ADAMTS6: variants seen among roughly 807,000 people sequenced by gnomAD.
ADAMTS6 encodes ADAM metallopeptidase with thrombospondin type 1 motif 6, also known as A disintegrin and metalloproteinase with thrombospondin motifs 6.
In ADAMTS6, 23 loss-of-function variants were observed where a neutral mutation model predicts 144.3. The ratio of observed to expected loss-of-function variants is 0.16; its 90% CI spans 0.11 to 0.23. The LOEUF (loss-of-function observed/expected upper bound fraction) is 0.23, where lower values mean the gene tolerates loss of function less well. Among genes scored for constraint, ADAMTS6 ranks in the 10% least tolerant of loss-of-function variants. ADAMTS6 has a pLI of 1.00. For synonymous variants in ADAMTS6, 444 were observed against 457.5 expected (o/e 0.97, Z 0.38); for missense variants, 999 against 1,379.6 (o/e 0.72, Z 4.37).
chr5:65,216,940 T>C (rs1756971348), intron 18 of ADAMTS6, among the ~76,000 whole-genome samples: 1 of 152,140 alleles, frequency 6.6e-6, no homozygotes, highest in Non-Finnish European at 1.5e-5. Context: ...TGCAAAAACT[T>C]TGATTCGTCA....
rs201004500 is a variant in ADAMTS6, at chr5:65,305,634, CAA to C, written c.1224-5505_1224-5504del. On this transcript the variant is annotated intron_variant, in intron 9 of 24. Transcript: ENST00000381055. ...ACCCCAATGGATGAACAGTGGGTAA[CAA>C]GAGAATATCTTCATTGCCAGTTTTA... Among the ~76,000 whole-genome samples, 1,492 of 152,220 alleles carry C rather than the reference CAA, an allele frequency of 9.8e-3. 29 individuals carry two copies. The highest frequency in any genetic ancestry group is 0.033 in the African/African-American group (1,386 of 41,528).
chr5:65,311,439 T>A (rs1744484096), intron 9 of ADAMTS6, among the ~76,000 whole-genome samples: 1 of 152,136 alleles, frequency 6.6e-6, no homozygotes, highest in African/African-American at 2.4e-5. Context: ...ATGCATGCTT[T>A]TCTGAAATAT....
intron 9 of ADAMTS6, among the ~76,000 whole-genome samples, chr5:65,301,836 C>A (rs1433986949): frequency 6.6e-6 from 1 of 151,916 alleles, no homozygotes; most frequent in African/African-American, 2.4e-5. Flanking sequence ...CACCTGTAAT[C>A]CCAGCGCTTT....
intron 3 of ADAMTS6, among the ~76,000 whole-genome samples, chr5:65,465,220 T>C (rs1759908100): frequency 6.6e-6 from 1 of 152,194 alleles, no homozygotes; most frequent in African/African-American, 2.4e-5. Context: ...CATCTCTACT[T>C]AATCCTCTAA....
chr5:65,191,494 T>C (rs1755014632), intron 21 of ADAMTS6, among the ~76,000 whole-genome samples: 1 of 152,110 alleles, frequency 6.6e-6, no homozygotes, highest in African/African-American at 2.4e-5. Flanking sequence ...CTAGGCTTTG[T>C]CCCAGAGTCA....
intron 7 of ADAMTS6, among the ~76,000 whole-genome samples, chr5:65,365,246 T>C (rs1357722219): frequency 1.3e-5 from 2 of 152,164 alleles, no homozygotes; most frequent in Admixed American, 6.5e-5. Context: ...AATAATTCCA[T>C]AGAATTATGC....
intron 7 of ADAMTS6, among the ~76,000 whole-genome samples, chr5:65,334,936 A>C (rs1050501842): frequency 6.6e-6 from 1 of 152,184 alleles, no homozygotes; most frequent in Non-Finnish European, 1.5e-5. Context: ...AAGGCTAAAA[A>C]TTTTTATTTG....
Position 65,473,838 on chromosome 5 carries a change from T to C in ADAMTS6, c.-165A>G. The C allele has an allele frequency of 1.9e-6, 1 of 530,830 alleles. No homozygotes were observed. Among genetic ancestry groups the C allele is most frequent in the Non-Finnish European group, 3.4e-6 (1 of 294,126 alleles). The allele number at this position is 530,830 out of a possible 1,614,324, so 32.9% of individuals were successfully genotyped here. A position where few individuals can be genotyped will look rare whatever the true frequency, so the allele number is the denominator to read the frequency against. On this transcript the variant is annotated 5_prime_UTR_variant, in exon 2 of 25. Transcript: ENST00000381055. The stretch of plus-strand genomic sequence containing the variant: ...CACTTTTATCCAACATCCTGCACTT[T>C]CTTCTATATCTGGATTCATTTTCTC...
At chr5:65,201,960 G>A (rs560110452) in intron 20 of ADAMTS6, among the ~76,000 whole-genome samples, 12 of 152,218 alleles carry the variant, frequency 7.9e-5, no homozygotes, top group African/African-American at 2.9e-4. Context: ...AGTGACAAGT[G>A]CCAGGAAAAA....
At chr5:65,217,830 C>A (rs1757042545) in intron 18 of ADAMTS6, among the ~76,000 whole-genome samples, 1 of 152,182 alleles carries the variant, frequency 6.6e-6, no homozygotes, top group South Asian at 2.1e-4. Flanking sequence ...ATAAATAGAA[C>A]TTCTCCTCAC....
At chr5:65,349,837 G>C (rs934641707) in intron 7 of ADAMTS6, among the ~76,000 whole-genome samples, 1 of 150,214 alleles carries the variant, frequency 6.7e-6, no homozygotes, top group Non-Finnish European at 1.5e-5. Context: ...CTGTGCAACA[G>C]AGTGAGACTG....
intron 14 of ADAMTS6, among the ~76,000 whole-genome samples, chr5:65,259,851 G>A (rs1239945321): frequency 1.3e-5 from 2 of 152,144 alleles, no homozygotes; most frequent in African/African-American, 4.8e-5. Flanking sequence ...TAGTAGAGGT[G>A]GAAAGCATGA....
intron 24 of ADAMTS6, 71 bp downstream of exon 24, chr5:65,170,546 C>T: frequency 1.9e-6 from 3 of 1,548,264 alleles, no homozygotes; most frequent in Non-Finnish European, 2.6e-6. Context: ...GTTTACTGTG[C>T]TCTTCAGACC....
chr5:65,206,900 C>T (rs7720673), intron 20 of ADAMTS6, among the ~76,000 whole-genome samples: 21,612 of 149,618 alleles, frequency 0.14, 1,642 homozygotes, highest in Non-Finnish European at 0.17. Context: ...ATACATTAGG[C>T]TTAAAATGAC....
chr5:65,300,265 G>C (rs1743227132), intron 9 of ADAMTS6, 134 bp from the exon 10 acceptor site: 10 of 703,484 alleles, frequency 1.4e-5, no homozygotes, highest in Non-Finnish European at 2.3e-5. Context: ...ATCCTCTAAA[G>C]AAATTTAGGA....
chr5:65,360,936 T>C (rs1352095317), intron 7 of ADAMTS6, among the ~76,000 whole-genome samples: 2 of 152,212 alleles, frequency 1.3e-5, no homozygotes, highest in African/African-American at 4.8e-5. Context: ...CCCTATAACA[T>C]GGGCTTTTGG....
chr5:65,152,065 A>C lies in ADAMTS6; in HGVS notation c.3245-120T>G, dbSNP rs1752169871. 2.2e-5 allele frequency: 16 copies of C among 727,980 alleles called. 2 individuals are homozygous for C. In the South Asian group the frequency reaches 3.3e-4, roughly 15 times the overall value. The allele number at this position is 727,980 out of a possible 1,614,324, so 45.1% of individuals were successfully genotyped here. ...TTTGGGCCAATCCACCTTGGCTTCGACCTCCATGTGGTTTTTGTTTTTGTT... is the reference window on the plus strand; with the variant it reads ...TTTGGGCCAATCCACCTTGGCTTCGCCCTCCATGTGGTTTTTGTTTTTGTT... On this transcript the variant is annotated intron_variant, in intron 24 of 24. Transcript: ENST00000381055.
At chr5:65,257,504 C>T (rs1014091758) in intron 14 of ADAMTS6, among the ~76,000 whole-genome samples, 5 of 152,094 alleles carry the variant, frequency 3.3e-5, no homozygotes, top group Admixed American at 2.0e-4. Flanking sequence ...TTATTCCTAG[C>T]GCAGAGCCCA....
intron 7 of ADAMTS6, among the ~76,000 whole-genome samples, chr5:65,401,803 G>A (rs1478116447): frequency 1.3e-5 from 2 of 152,112 alleles, no homozygotes; most frequent in African/African-American, 4.8e-5. Context: ...AGATTTTTGT[G>A]TACTGTTAGG....
Sources: gnomAD v4.1 joint callset for allele counts (sites outside exome capture counted in the v4.1 genomes callset) on GRCh38, gnomAD v4.1.1 for gene constraint, MANE v1.5 for transcripts, NCBI Gene and HGNC (gene_info 2026-07-23, HGNC 2026-07-21) for gene names.